ZFYVE9: variants seen among roughly 807,000 people sequenced by gnomAD.
ZFYVE9 encodes the protein zinc finger FYVE-type containing 9, also known as zinc finger FYVE domain-containing protein 9.
A neutral mutation model predicts 126.7 loss-of-function variants in ZFYVE9; 43 were observed. The observed-to-expected ratio is 0.34, with a 90% confidence interval of 0.27 to 0.44. The LOEUF is 0.44. Ranked by LOEUF, ZFYVE9 falls within the 20% of genes least tolerant of loss-of-function variation. ZFYVE9 has a pLI of 1.00. For synonymous variants in ZFYVE9, 521 were observed against 597.4 expected (o/e 0.87, Z 1.87); for missense variants, 1,476 against 1,697.0 (o/e 0.87, Z 2.29).
chr1:52,272,819 G>T (rs745459555), intron 7 of ZFYVE9, among the ~76,000 whole-genome samples: 3 of 151,492 alleles, frequency 2.0e-5, no homozygotes, highest in African/African-American at 4.9e-5. Flanking sequence ...ACAGGCACAC[G>T]CCCAGCTAAT....
chr1:52,201,374 A>AT (rs11344134), intron 1 of ZFYVE9, among the ~76,000 whole-genome samples: 2,909 of 91,222 alleles, frequency 0.032, 177 homozygotes, highest in East Asian at 0.16. Flanking sequence ...GTTTTTGGTA[A>AT]TTTTTTTTTT....
At chr1:52,187,916 TG>T (rs748129976) in intron 1 of ZFYVE9, among the ~76,000 whole-genome samples, 1 of 152,172 alleles carries the variant, frequency 6.6e-6, no homozygotes, top group Non-Finnish European at 1.5e-5. Context: ...TCCCTTGTTT[TG>T]TGATTCCTCA....
At chr1:52,339,287 A>G (rs951200792) in intron 16 of ZFYVE9, among the ~76,000 whole-genome samples, 11 of 151,668 alleles carry the variant, frequency 7.3e-5, no homozygotes, top group African/African-American at 2.7e-4. Context: ...TGGTCAAATA[A>G]TTCCTTTTTT....
At chr1:52,182,048 AG>A (rs1343262784) in intron 1 of ZFYVE9, among the ~76,000 whole-genome samples, 2 of 145,668 alleles carry the variant, frequency 1.4e-5, no homozygotes, top group African/African-American at 2.6e-5. Context: ...GAGGGAGGCG[AG>A]GGGGTCAGCC....
chr1:52,272,818 C>T (rs115211967), intron 7 of ZFYVE9, among the ~76,000 whole-genome samples: 3,104 of 151,698 alleles, frequency 0.02, 92 homozygotes, highest in African/African-American at 0.07. Context: ...TACAGGCACA[C>T]GCCCAGCTAA....
chr1:52,297,963 C>G (rs1645994692), intron 12 of ZFYVE9, among the ~76,000 whole-genome samples: 1 of 152,160 alleles, frequency 6.6e-6, no homozygotes, highest in South Asian at 2.1e-4. Flanking sequence ...ATCCACCCAC[C>G]TCAGCCTCCC....
At chr1:52,227,528 A>G (rs1023835701) in intron 2 of ZFYVE9, among the ~76,000 whole-genome samples, 1 of 152,224 alleles carries the variant, frequency 6.6e-6, no homozygotes, top group Non-Finnish European at 1.5e-5. Flanking sequence ...GCATAATTCT[A>G]TCACCACAGA....
intron 4 of ZFYVE9, among the ~76,000 whole-genome samples, chr1:52,243,583 A>G (rs1645356011): frequency 6.6e-6 from 1 of 152,146 alleles, no homozygotes; most frequent in Non-Finnish European, 1.5e-5. Context: ...CTATTCAACA[A>G]ACTGAAGGAA....
intron 11 of ZFYVE9, among the ~76,000 whole-genome samples, chr1:52,295,536 G>T (rs1468413504): frequency 1.3e-5 from 2 of 151,738 alleles, no homozygotes; most frequent in East Asian, 3.9e-4. Context: ...TTTTTTGTTT[G>T]TTTTTTTGTA....
At chr1:52,193,086 C>T (rs1644830140) in intron 1 of ZFYVE9, among the ~76,000 whole-genome samples, 1 of 152,110 alleles carries the variant, frequency 6.6e-6, no homozygotes, top group African/African-American at 2.4e-5. Flanking sequence ...CTCAGGCAGT[C>T]AGTGTCTAGA....
In ZFYVE9 at chr1:52,169,850, C is replaced by G. The variant is rs115355283; in HGVS notation, c.-143+27447C>G. ...TATTTGTACCCTAACTCCTTGCTAT[C>G]CTCTTATTTTCAACTTGGTCTAGGA... On this transcript the variant is annotated intron_variant, in intron 1 of 18. Coordinates refer to ENST00000287727, the MANE Select transcript of ZFYVE9 (RefSeq NM_004799.4). Among the ~76,000 whole-genome samples, 926 of 152,226 alleles carry G rather than the reference C, an allele frequency of 6.1e-3. 4 individuals are homozygous for G. Among genetic ancestry groups the G allele is most frequent in the Middle Eastern group, 0.01 (3 of 290 alleles).
chr1:52,225,886 C>T (rs531328056), intron 2 of ZFYVE9, among the ~76,000 whole-genome samples: 88 of 151,970 alleles, frequency 5.8e-4, no homozygotes, highest in Non-Finnish European at 1.0e-3. Context: ...TTTAGGACAC[C>T]GACACACACG....
chr1:52,230,217 A>T (rs1645205721), intron 2 of ZFYVE9, among the ~76,000 whole-genome samples: 1 of 151,758 alleles, frequency 6.6e-6, no homozygotes, highest in African/African-American at 2.4e-5. Flanking sequence ...AAAGGAAAAA[A>T]CTCAGCAAAG....
At chr1:52,171,000 G>GTTT (rs753279975) in intron 1 of ZFYVE9, among the ~76,000 whole-genome samples, 1 of 144,764 alleles carries the variant, frequency 6.9e-6, no homozygotes. Flanking sequence ...AAGTCCGATG[G>GTTT]TTTTTTTTTT....
In ZFYVE9 at chr1:52,281,730, T is replaced by C. The variant is rs944995570; in HGVS notation, c.2939T>C (p.Ile980Thr). Residue 980 changes from isoleucine to threonine, a missense_variant, in exon 10 of 19, where the codon ATT (isoleucine) becomes ACT (threonine). Transcript: ENST00000287727. ...GCAGTGGGTCAGTCTGAGATAGTCA[T>C]TCTTCTACAGTGTTTACCGGATGAA... is the stretch of plus-strand genomic sequence containing the variant. The part of the protein sequence containing the change: ...MHAVGQSEIV[I>T]LLQCLPDEKC... 6 of 1,614,214 alleles carry C rather than the reference T, an allele frequency of 3.7e-6. No individual in the cohort carries two copies. Among genetic ancestry groups the C allele is most frequent in the African/African-American group, 2.7e-5 (2 of 75,066 alleles).
chr1:52,328,068 G>T (rs1479000847), intron 13 of ZFYVE9, among the ~76,000 whole-genome samples: 1 of 152,154 alleles, frequency 6.6e-6, no homozygotes, highest in Non-Finnish European at 1.5e-5. Flanking sequence ...CTACATGTAA[G>T]CAGCATGTAA....
At chr1:52,227,112 G>A (rs1448916250) in intron 2 of ZFYVE9, among the ~76,000 whole-genome samples, 3 of 152,250 alleles carry the variant, frequency 2.0e-5, no homozygotes, top group African/African-American at 7.2e-5. Flanking sequence ...CTCTGGTTGA[G>A]TTATCTGACT....
At chr1:52,273,818 CAAAAAAAAAAA>C (rs61193193) in intron 7 of ZFYVE9, among the ~76,000 whole-genome samples, 1 of 75,570 alleles carries the variant, frequency 1.3e-5, no homozygotes. Context: ...GACTCCTTCT[CAAAAAAAAAAA>C]AAAAAAAAAT....
chr1:52,257,823 C>T (rs559701551), intron 4 of ZFYVE9, among the ~76,000 whole-genome samples: 1 of 152,312 alleles, frequency 6.6e-6, no homozygotes, highest in Non-Finnish European at 1.5e-5. Context: ...CAACCTCCAC[C>T]TCTTGGGTTC....
Sources: gnomAD v4.1 joint callset for allele counts (sites outside exome capture counted in the v4.1 genomes callset) on GRCh38, gnomAD v4.1.1 for gene constraint, MANE v1.5 for transcripts, NCBI Gene and HGNC (gene_info 2026-07-23, HGNC 2026-07-21) for gene names.